The following IQCM variants were observed in gnomAD, a reference collection of about 807,000 sequenced individuals.
IQCM encodes IQ motif containing M.
IQCM carries 45 observed loss-of-function variants against 57.6 expected under a neutral mutation model. The ratio of observed to expected loss-of-function variants is 0.78; its 90% CI spans 0.62 to 1.00. The LOEUF (loss-of-function observed/expected upper bound fraction) is 1.00, where lower values mean the gene tolerates loss of function less well. IQCM is among the 50% of genes least tolerant of loss of function. The probability of loss-of-function intolerance (pLI) is 0.00; values close to 1 mark genes in which losing one functional copy is unlikely to be tolerated. For missense variants in IQCM, 468 were observed against 511.6 expected, an observed-to-expected ratio of 0.91 and a Z score of 0.82; for synonymous variants, 148 against 158.9, an observed-to-expected ratio of 0.93 and a Z score of 0.51.
chr4:149,468,036 C>T (rs993779479), intron 12 of IQCM, among the ~76,000 whole-genome samples: 4 of 152,044 alleles, frequency 2.6e-5, no homozygotes, highest in African/African-American at 7.2e-5. Context: ...CCAAGATGGC[C>T]GAATAGGAAC....
intron 13 of IQCM, among the ~76,000 whole-genome samples, chr4:149,354,350 C>A (rs1402918897): frequency 9.9e-5 from 5 of 50,400 alleles, no homozygotes; most frequent in Admixed American, 2.7e-4. Flanking sequence ...GGCGACAGAG[C>A]GAGACTCCGT....
At position 149,398,134 on chromosome 4, in the gene IQCM, C is replaced by T. The variant is rs376573503; in HGVS notation, c.1390+35262G>A. On this transcript the variant is annotated intron_variant, in intron 13 of 13. Coordinates refer to ENST00000636793, the MANE Select transcript of IQCM (RefSeq NM_001363507.2). ...ATATGGTTATCCAGTTTTCCCAACA[C>T]CTTTATTGAAGGTGTTGTGTATTCT... 1.9e-4 allele frequency among the ~76,000 whole-genome samples: 29 copies of T among 152,076 alleles called. No individual in the cohort carries two copies. The East Asian group carries it at 5.1e-3, about 27-fold the overall frequency.
chr4:149,539,030 A>T (rs375263220), intron 12 of IQCM, among the ~76,000 whole-genome samples: 6 of 152,126 alleles, frequency 3.9e-5, no homozygotes, highest in African/African-American at 9.6e-5. Context: ...TTCTCTATAG[A>T]AGATAAATAA....
chr4:149,764,849 A>C (rs1349759449), intron 2 of IQCM, among the ~76,000 whole-genome samples: 1 of 152,110 alleles, frequency 6.6e-6, no homozygotes, highest in East Asian at 1.9e-4. Flanking sequence ...GTTATTGAAC[A>C]AAAATGATTT....
intron 13 of IQCM, among the ~76,000 whole-genome samples, chr4:149,401,852 T>A (rs1215297319): frequency 6.6e-6 from 1 of 151,834 alleles, no homozygotes; most frequent in African/African-American, 2.4e-5. Flanking sequence ...ATTTGAAGAT[T>A]CCTTTTATAA....
chr4:149,724,423 A>G (rs1412617139), intron 5 of IQCM, among the ~76,000 whole-genome samples: 1 of 151,942 alleles, frequency 6.6e-6, no homozygotes, highest in South Asian at 2.1e-4. Flanking sequence ...TATATAAAGG[A>G]AAAGATTTGT....
At chr4:149,633,251 T>C (rs912322280) in intron 7 of IQCM, among the ~76,000 whole-genome samples, 5 of 151,462 alleles carry the variant, frequency 3.3e-5, no homozygotes, top group African/African-American at 1.2e-4. Flanking sequence ...AGGCGAAGAC[T>C]TTCTATTATT....
intron 12 of IQCM, among the ~76,000 whole-genome samples, chr4:149,467,171 T>C (rs952616226): frequency 3.3e-5 from 5 of 152,176 alleles, no homozygotes; most frequent in African/African-American, 1.2e-4. Context: ...GGCAACACCT[T>C]TTCAGGAAAC....
chr4:149,800,635 T>C (rs1256852149), intron 2 of IQCM, among the ~76,000 whole-genome samples: 8 of 151,836 alleles, frequency 5.3e-5, no homozygotes, highest in Non-Finnish European at 4.4e-5. Context: ...CTGAAAAAAA[T>C]TTCAGTAAAT....
intron 9 of IQCM, among the ~76,000 whole-genome samples, chr4:149,565,888 T>C (rs1447018767): frequency 1.3e-5 from 2 of 152,198 alleles, no homozygotes. Context: ...CAGTGGCTGA[T>C]TCATTCTATC....
At chr4:149,733,841 T>C (rs1470113000) in intron 4 of IQCM, among the ~76,000 whole-genome samples, 1 of 151,150 alleles carries the variant, frequency 6.6e-6, no homozygotes, top group Non-Finnish European at 1.5e-5. Context: ...AAAATAGGAG[T>C]TTTTCAAATA....
chr4:149,403,722 A>T (rs1732782549), intron 13 of IQCM, among the ~76,000 whole-genome samples: 1 of 152,020 alleles, frequency 6.6e-6, no homozygotes, highest in Non-Finnish European at 1.5e-5. Flanking sequence ...AAAAAGGAAC[A>T]GCTTCGAGGA....
At chr4:149,513,265 G>A (rs931307468) in intron 12 of IQCM, among the ~76,000 whole-genome samples, 17 of 152,158 alleles carry the variant, frequency 1.1e-4, no homozygotes, top group African/African-American at 4.1e-4. Flanking sequence ...GAAGATGAAT[G>A]AGACTTCTGT....
rs182935845 is a variant in IQCM, at chr4:149,771,520, T to C, written c.-48-28781A>G. Among the ~76,000 whole-genome samples the C allele has an allele frequency of 9.2e-5, 14 of 152,288 alleles. No individual in the cohort carries two copies. In the East Asian group the frequency reaches 2.7e-3, roughly 29 times the overall value. On this transcript the variant is annotated intron_variant, in intron 2 of 13. Transcript: ENST00000636793. ...GTAGAGTAAAATCCTTTTCTCATTC[T>C]ATCTGGGAAAGACTTAAAAGACTAA... is the stretch of plus-strand genomic sequence containing the variant.
chr4:149,755,939 G>C (rs1035789523), intron 2 of IQCM, among the ~76,000 whole-genome samples: 14 of 152,102 alleles, frequency 9.2e-5, no homozygotes, highest in Admixed American at 7.9e-4. Context: ...GGACACCATT[G>C]GTACCAAAGT....
At chr4:149,541,572 CTTA>C (rs921152360) in intron 12 of IQCM, among the ~76,000 whole-genome samples, 7 of 152,042 alleles carry the variant, frequency 4.6e-5, no homozygotes, top group Admixed American at 1.3e-4. Context: ...ATGCTCTTCT[CTTA>C]TTATTAGTTT....
At chr4:149,503,959 C>T (rs932179041) in intron 12 of IQCM, among the ~76,000 whole-genome samples, 3 of 151,928 alleles carry the variant, frequency 2.0e-5, no homozygotes, top group Non-Finnish European at 4.4e-5. Context: ...AAGACAATCA[C>T]ACAAATTAAA....
chr4:149,591,820 T>C (rs1315528902), intron 8 of IQCM, among the ~76,000 whole-genome samples: 1 of 152,186 alleles, frequency 6.6e-6, no homozygotes, highest in African/African-American at 2.4e-5. Context: ...CCATGGTGTA[T>C]ATGTGCCACA....
intron 12 of IQCM, among the ~76,000 whole-genome samples, chr4:149,507,431 A>G (rs1743940671): frequency 6.6e-6 from 1 of 152,212 alleles, no homozygotes; most frequent in Non-Finnish European, 1.5e-5. Context: ...AGCGATATGG[A>G]AAATAAAGTC....
Sources: allele counts gnomAD v4.1 joint callset (sites outside exome capture counted in the v4.1 genomes callset), GRCh38; gene constraint gnomAD v4.1.1; transcripts MANE v1.5; gene names NCBI Gene and HGNC (gene_info 2026-07-23, HGNC 2026-07-21).